Variants in KRT14 observed in about 807,000 individuals in gnomAD.
KRT14 encodes the protein keratin 14.
Under a neutral mutation model 44.5 loss-of-function variants are expected in KRT14, and 30 were observed. The ratio of observed to expected loss-of-function variants is 0.67; its 90% CI spans 0.50 to 0.92. The LOEUF (loss-of-function observed/expected upper bound fraction) is 0.92. KRT14 is among the 40% of genes least tolerant of loss of function. The probability of loss-of-function intolerance (pLI) is 0.00; values close to 1 mark genes in which losing one functional copy is unlikely to be tolerated. For missense variants in KRT14, 535 were observed against 640.6 expected (o/e 0.84, Z 1.78); for synonymous variants, 241 against 257.6 (o/e 0.94, Z 0.62).
intron 7 of KRT14, 180 bp from the exon 8 acceptor site, chr17:41,582,712 C>T (rs190602884): frequency 1.7e-5 from 11 of 646,500 alleles, no homozygotes; most frequent in African/African-American, 7.1e-5. Flanking sequence ...TTCTTTCAGA[C>T]GAGGGCTCCC....
intron 2 of KRT14, 30 bp from the exon 3 acceptor site, chr17:41,584,443 A>G (rs774197733): frequency 1.2e-6 from 2 of 1,612,788 alleles, no homozygotes; most frequent in East Asian, 4.5e-5. Context: ...AAGGTATGAG[A>G]CACCCATCCT....
Position 41,582,513 on chromosome 17 carries a change from T to G in KRT14, c.1341A>C (p.Gln447His). 1 of 1,568,108 alleles carries G rather than the reference T, an allele frequency of 6.4e-7. No homozygotes were observed. The highest frequency in any genetic ancestry group is 8.6e-7 in the Non-Finnish European group (1 of 1,156,282). The change falls in exon 8 of 8, where the codon CAA (glutamine) becomes CAC (histidine). Residue 447 changes from glutamine (Q) to histidine (H), a missense_variant. Physicochemically the swap from Gln to His is conservative, Grantham distance 24 (BLOSUM62 0). Transcript: ENST00000167586. ...SSRDVTSSSR[Q>H]IRTKVMDVHD... ...GCACATCCATGACCTTGGTGCGGAT[T>G]TGGCGGCTGGAGGAGGTCACTGGGG...
rs1907458774 is a variant in KRT14 at position 41,584,433 on chromosome 17, A to G, written c.609-20T>C. On this transcript the variant is annotated intron_variant, in intron 2 of 7. Transcript: ENST00000167586. The stretch of plus-strand genomic sequence containing the variant: ...TCATACCTGGAATGACCCCAGAGAA[A>G]AGGTATGAGACACCCATCCTGATCA... 6.2e-7 allele frequency: 1 copy of G among 1,613,506 alleles called. No individual in the cohort carries two copies. The highest frequency in any genetic ancestry group is 8.5e-7 in the Non-Finnish European group (1 of 1,179,854).
Position 41,583,336 on chromosome 17 carries a change from C to T in KRT14, c.1173G>A (p.Met391Ile), listed in dbSNP as rs1312659715. Residue 391 changes from methionine to isoleucine, a missense_variant, in exon 6 of 8, where the codon ATG becomes ATA. Met to Ile is a conservative substitution (Grantham distance 10). Transcript: ENST00000167586. ...EEQLAQLRCE[M>I]EQQNQEYKIL... ...TCTTGTACTCCTGGTTCTGCTGCTC[C>T]ATCTCGCAGCGGAGCTGGGCCAGCT... 1 of 1,613,662 alleles carries T rather than the reference C, an allele frequency of 6.2e-7. No homozygotes were observed. The highest frequency in any genetic ancestry group is 1.3e-5 in the African/African-American group (1 of 74,908).
rs1468350198 is a variant in KRT14, at chr17:41,583,640, C to T, written c.964G>A (p.Glu322Lys). 6.2e-6 allele frequency: 10 copies of T among 1,614,210 alleles called. No homozygotes were observed. The highest frequency in any genetic ancestry group is 6.8e-6 in the Non-Finnish European group (8 of 1,180,022). The change falls in exon 5 of 8, where the codon GAG (glutamate) becomes AAG (lysine). Residue 322 changes from glutamate to lysine, a missense_variant. By Grantham distance (56) the Glu-to-Lys change is moderately conservative (BLOSUM62 1). Coordinates refer to ENST00000167586, the MANE Select transcript of KRT14 (RefSeq NM_000526.5). ...ELNREVATNSELVQSGKSEIS... is the reference protein window; with the variant it reads ...ELNREVATNSKLVQSGKSEIS... The stretch of plus-strand genomic sequence containing the variant: ...TCGCTCTTGCCGCTCTGCACCAGCT[C>T]GCTGTTGGTGGCCACCTCGCGGTTC...
Position 41,583,543 on chromosome 17 carries a change from A to G in KRT14, c.1053+8T>C, listed in dbSNP as rs1289413413. On this transcript the variant is annotated splice_region_variant and intron_variant, in intron 5 of 7. Coordinates refer to ENST00000167586, the MANE Select transcript of KRT14 (RefSeq NM_000526.5). Reference sequence around the variant, plus strand: ...TGGGTGCACCACCCTTCCTGGCACTATTCCTACCATGCTGAGCTGGGACTG... The same window carrying G: ...TGGGTGCACCACCCTTCCTGGCACTGTTCCTACCATGCTGAGCTGGGACTG... 15 of 1,614,018 alleles carry G rather than the reference A, an allele frequency of 9.3e-6. No homozygotes were observed. The highest frequency in any genetic ancestry group is 1.3e-5 in the African/African-American group (1 of 74,908).
In KRT14 at chr17:41,583,323, G is replaced by C. The variant is rs58393329; in HGVS notation, c.1186C>G (p.Gln396Glu). Residue 396 changes from glutamine (Q) to glutamate (E), a missense_variant, in exon 6 of 8, where the codon CAG (glutamine) becomes GAG (glutamate). Physicochemically the swap from Gln to Glu is conservative, Grantham distance 29. Transcript: ENST00000167586. ...QLRCEMEQQNQEYKILLDVKT... is the reference protein window; with the variant it reads ...QLRCEMEQQNEEYKILLDVKT... ...ACGTCCAGCAGGATCTTGTACTCCT[G>C]GTTCTGCTGCTCCATCTCGCAGCGG... 6 of 1,613,748 alleles carry C rather than the reference G, an allele frequency of 3.7e-6. No homozygotes were observed. The East Asian group carries it at 8.9e-5, about 24-fold the overall frequency.
At chr17:41,583,726 G>A in intron 4 of KRT14, 34 bp downstream of exon 4, 2 of 1,614,222 alleles carry the variant, frequency 1.2e-6, no homozygotes, top group East Asian at 2.2e-5. Context: ...GAAGGCAGGT[G>A]GTCTGGGTTC....
intron 1 of KRT14, among the ~76,000 whole-genome samples, chr17:41,585,917 A>C (rs1479104513): frequency 6.6e-6 from 1 of 151,810 alleles, no homozygotes; most frequent in African/African-American, 2.4e-5. Context: ...TTAGAGCCTC[A>C]CTCCTCCCCT....
rs1277801868 is a variant in KRT14, at chr17:41,582,427, G to A, written c.*8C>T. 1.3e-6 allele frequency: 2 copies of A among 1,554,814 alleles called. No individual in the cohort carries two copies. The highest frequency in any genetic ancestry group is 1.7e-6 in the Non-Finnish European group (2 of 1,148,814). ...GGGCCTCCTAGGCCTGAGCGGGGCT[G>A]GGCAGCCTCAGTTCTTGGTGCGAAG... is the stretch of plus-strand genomic sequence containing the variant. On this transcript the variant is annotated 3_prime_UTR_variant, in exon 8 of 8. Transcript: ENST00000167586.
Position 41,585,002 on chromosome 17 carries a change from C to T in KRT14, c.581G>A (p.Arg194His), listed in dbSNP as rs772876124. 21 of 1,614,074 alleles carry T rather than the reference C, an allele frequency of 1.3e-5. No homozygotes were observed. Among genetic ancestry groups the T allele is most frequent in the Admixed American group, 6.7e-5 (4 of 60,020 alleles). ...ANVLLQIDNA[R>H]LAADDFRTKY... ...GGTGCGGAAGTCATCCGCGGCCAGACGGGCATTGTCAATCTGCAGAAGGAC... is the reference window on the plus strand; with the variant it reads ...GGTGCGGAAGTCATCCGCGGCCAGATGGGCATTGTCAATCTGCAGAAGGAC... Residue 194 changes from arginine (R) to histidine (H), a missense_variant, in exon 2 of 8, where the codon CGT (arginine) becomes CAT (histidine). By Grantham distance (29) the Arg-to-His change is conservative. Coordinates refer to ENST00000167586, the MANE Select transcript of KRT14 (RefSeq NM_000526.5).
rs61765950 is a variant in KRT14 at position 41,585,055 on chromosome 17, A to C, written c.528T>G (p.Ile176Met). 2 of 1,613,424 alleles carry C rather than the reference A, an allele frequency of 1.2e-6. No individual in the cohort carries two copies. The highest frequency in any genetic ancestry group is 2.2e-5 in the South Asian group (2 of 91,070). Residue 176 changes from isoleucine (I) to methionine (M), a missense_variant and splice_region_variant, in exon 2 of 8, where the codon ATT (isoleucine) becomes ATG (methionine). Physicochemically the swap from Ile to Met is conservative, Grantham distance 10. Transcript: ENST00000167586. Reference protein sequence around the residue: ...FKTIEDLRNKILTATVDNANV... With the variant: ...FKTIEDLRNKMLTATVDNANV... ...TGGCATTGTCCACTGTGGCTGTGAGAATCTGCAGGATGGAAAAGGCACAGG... is the reference window on the plus strand; with the variant it reads ...TGGCATTGTCCACTGTGGCTGTGAGCATCTGCAGGATGGAAAAGGCACAGG...
intron 1 of KRT14, among the ~76,000 whole-genome samples, chr17:41,585,809 G>T (rs763101550): frequency 6.6e-6 from 1 of 152,260 alleles, no homozygotes; most frequent in Admixed American, 6.5e-5. Flanking sequence ...CCGCCTGGCT[G>T]TGGGGAGGGA....
chr17:41,585,253 A>G (rs1294345652), intron 1 of KRT14, among the ~76,000 whole-genome samples, 196 bp from the exon 2 acceptor site: 1 of 152,150 alleles, frequency 6.6e-6, no homozygotes, highest in Admixed American at 6.5e-5. Context: ...TGGTCAACAG[A>G]GGGGGTAGAT....
intron 7 of KRT14, chr17:41,582,815 C>CT (rs1001823135): frequency 7.8e-5 from 47 of 602,144 alleles, no homozygotes; most frequent in African/African-American, 7.2e-4. Flanking sequence ...ATGGAGTGGT[C>CT]TCAGTGGGAA....
intron 1 of KRT14, 42 bp downstream of exon 1, chr17:41,586,268 G>A (rs771986627): frequency 6.2e-7 from 1 of 1,610,878 alleles, no homozygotes; most frequent in South Asian, 1.1e-5. Flanking sequence ...GTTCCCAGAA[G>A]GAGCTAGCTG....
intron 7 of KRT14, 30 bp downstream of exon 7, chr17:41,583,064 G>A (rs908750858): frequency 6.2e-7 from 1 of 1,604,512 alleles, no homozygotes; most frequent in South Asian, 1.1e-5. Context: ...GTGGCCTGGA[G>A]CCCAGGCCTG....
At position 41,586,287 on chromosome 17, in the gene KRT14, C is replaced by T. The variant is rs770660535; in HGVS notation, c.525+23G>A. On this transcript the variant is annotated intron_variant, in intron 1 of 7. Transcript: ENST00000167586. Reference sequence around the variant, plus strand: ...CCAGAAGGAGCTAGCTGGAATGGTGCCTTCTGCTGCCCATTCACCCACCTT... The same window carrying T: ...CCAGAAGGAGCTAGCTGGAATGGTGTCTTCTGCTGCCCATTCACCCACCTT... 6 of 1,611,856 alleles carry T rather than the reference C, an allele frequency of 3.7e-6. No homozygotes were observed. In the Admixed American group the frequency reaches 8.3e-5, roughly 22 times the overall value.
In KRT14 at chr17:41,583,626, G is replaced by A. The variant is rs779719854; in HGVS notation, c.978C>T (p.Ser326=). The A allele has an allele frequency of 1.4e-5, 22 of 1,614,026 alleles. No individual in the cohort carries two copies. The highest frequency in any genetic ancestry group is 4.5e-5 in the East Asian group (2 of 44,886). Residue 326 remains serine (S), a synonymous_variant, in exon 5 of 8, where the codon AGC becomes AGT. Coordinates refer to ENST00000167586, the MANE Select transcript of KRT14 (RefSeq NM_000526.5). The part of the protein sequence containing the change: ...EVATNSELVQ[S]GKSEISELRR... ...GGAGCTCCGAGATCTCGCTCTTGCCGCTCTGCACCAGCTCGCTGTTGGTGG... is the reference window on the plus strand; with the variant it reads ...GGAGCTCCGAGATCTCGCTCTTGCCACTCTGCACCAGCTCGCTGTTGGTGG...
Sources: allele counts gnomAD v4.1 joint callset (sites outside exome capture counted in the v4.1 genomes callset), GRCh38; gene constraint gnomAD v4.1.1; transcripts MANE v1.5; gene names NCBI Gene and HGNC (gene_info 2026-07-23, HGNC 2026-07-21).